IQGAP2: variants seen among roughly 807,000 people sequenced by gnomAD.
The protein encoded by IQGAP2 is IQ motif containing GTPase activating protein 2.
IQGAP2 carries 173 observed loss-of-function variants against 201.3 expected under a neutral mutation model. That is an observed-to-expected ratio of 0.86 (90% CI 0.76 to 0.98). The LOEUF (loss-of-function observed/expected upper bound fraction) is 0.98. Among genes scored for constraint, IQGAP2 ranks in the 50% least tolerant of loss-of-function variants. The pLI is 0.00. For missense variants in IQGAP2, 1,687 were observed against 1,864.8 expected (o/e 0.90, Z 1.76); for synonymous variants, 675 against 673.9 (o/e 1.00, Z -0.03).
chr5:76,573,595 C>G (rs1745263224), intron 4 of IQGAP2, among the ~76,000 whole-genome samples: 1 of 152,054 alleles, frequency 6.6e-6, no homozygotes, highest in Admixed American at 6.5e-5. Flanking sequence ...ACATAAAAAA[C>G]TTTAAACCGG....
intron 1 of IQGAP2, among the ~76,000 whole-genome samples, chr5:76,429,582 T>TTA (rs70982604): frequency 0.056 from 6,753 of 120,460 alleles, 354 homozygotes; most frequent in African/African-American, 0.13. Flanking sequence ...AAAAAAAAAT[T>TTA]TATATATATA....
chr5:76,527,651 C>A (rs1759047684), intron 2 of IQGAP2, among the ~76,000 whole-genome samples: 1 of 152,202 alleles, frequency 6.6e-6, no homozygotes, highest in South Asian at 2.1e-4. Context: ...GGTATCAGGA[C>A]TTTACAAGGT....
chr5:76,621,591 T>C (rs895322534), intron 13 of IQGAP2, among the ~76,000 whole-genome samples: 6 of 152,222 alleles, frequency 3.9e-5, no homozygotes, highest in Non-Finnish European at 8.8e-5. Context: ...ACCAAGTGTT[T>C]GTCCGTTTTC....
chr5:76,676,625 C>T (rs1326302237), intron 27 of IQGAP2, among the ~76,000 whole-genome samples: 1 of 152,174 alleles, frequency 6.6e-6, no homozygotes, highest in Non-Finnish European at 1.5e-5. Flanking sequence ...TTAAAATAGA[C>T]TTTTTAGGGT....
intron 1 of IQGAP2, among the ~76,000 whole-genome samples, chr5:76,436,517 A>ATTTTT (rs1166580477): frequency 4.8e-5 from 1 of 21,048 alleles, no homozygotes; most frequent in African/African-American, 3.1e-4. Flanking sequence ...ATATATATAT[A>ATTTTT]TTTTTTTTTT....
chr5:76,595,280 G>A (rs1386988068), intron 9 of IQGAP2, among the ~76,000 whole-genome samples: 1 of 116,356 alleles, frequency 8.6e-6, no homozygotes. Flanking sequence ...TTCCGGACAG[G>A]GTCTTATTCT....
At chr5:76,473,598 C>G (rs1427830191) in intron 2 of IQGAP2, among the ~76,000 whole-genome samples, 2 of 152,134 alleles carry the variant, frequency 1.3e-5, no homozygotes, top group Admixed American at 6.5e-5. Flanking sequence ...ACCTTGGCCT[C>G]CCAAAGTGCT....
At position 76,631,977 on chromosome 5, in the gene IQGAP2, C is replaced by G. The variant is rs759569896; in HGVS notation, c.1731C>G (p.Asp577Glu). 1.6e-5 allele frequency: 25 copies of G among 1,612,172 alleles called. No homozygotes were observed. The highest frequency in any genetic ancestry group is 8.5e-7 in the Non-Finnish European group (1 of 1,179,024). ...ATGACATAATCCCGGAGTGTGCTGA[C>G]AAATACTATGATGCCCTTGTGAAGG... ...NANDIIPECA[D>E]KYYDALVKAK... Residue 577 changes from aspartate (D) to glutamate (E), a missense_variant, in exon 15 of 36, where the codon GAC (aspartate) becomes GAG (glutamate). By Grantham distance (45) the Asp-to-Glu change is conservative. Transcript: ENST00000274364.
chr5:76,444,343 G>A (rs186192456), intron 1 of IQGAP2, among the ~76,000 whole-genome samples: 41 of 152,304 alleles, frequency 2.7e-4, no homozygotes, highest in Non-Finnish European at 2.9e-5. Context: ...TCGTCACCCA[G>A]GCTGGAGTGC....
chr5:76,450,305 G>A (rs115683074), intron 1 of IQGAP2, among the ~76,000 whole-genome samples: 2,903 of 152,184 alleles, frequency 0.019, 102 homozygotes, highest in African/African-American at 0.065. Flanking sequence ...CAGCCATTCC[G>A]TTTCCTCCTA....
Position 76,674,576 on chromosome 5 carries a change from T to C in IQGAP2, c.3394T>C (p.Ser1132Pro). 1 of 1,614,056 alleles carries C rather than the reference T, an allele frequency of 6.2e-7. No individual in the cohort carries two copies. Among genetic ancestry groups the C allele is most frequent in the Non-Finnish European group, 8.5e-7 (1 of 1,179,980 alleles). Residue 1132 changes from serine (S) to proline (P), a missense_variant, in exon 27 of 36, where the codon TCT (serine) becomes CCT (proline). Ser to Pro is a moderately conservative substitution (Grantham distance 74, BLOSUM62 -1). Transcript: ENST00000274364. Reference sequence around the variant, plus strand: ...CATGACAGCTGGAGGTCAGATAAATTCTGACCAAAGGAGAAACTTAGGATC... The same window carrying C: ...CATGACAGCTGGAGGTCAGATAAATCCTGACCAAAGGAGAAACTTAGGATC... ...IDMTAGGQIN[S>P]DQRRNLGSVA... is the part of the protein sequence containing the mutation.
chr5:76,597,912 A>G (rs1747153722), intron 10 of IQGAP2, among the ~76,000 whole-genome samples: 1 of 152,174 alleles, frequency 6.6e-6, no homozygotes, highest in South Asian at 2.1e-4. Flanking sequence ...AGCTATACCG[A>G]TGTGGTATTT....
rs775351003 is a variant in IQGAP2 at position 76,496,749 on chromosome 5, C to CT, written c.146+35083dup. Among the ~76,000 whole-genome samples, 115 of 60,496 alleles carry CT rather than the reference C, an allele frequency of 1.9e-3. 7 individuals are homozygous for CT. The highest frequency in any genetic ancestry group is 7.4e-3 in the East Asian group (18 of 2,418). The allele number at this position is 60,496 out of a possible 152,430, so 39.7% of individuals were successfully genotyped here. ...CTTTTCTTTCTTTCTTTCTTTCTTTCTTTCTTTCTTTCTTTCTTTCTTTCT... is the reference window on the plus strand; with the variant it reads ...CTTTTCTTTCTTTCTTTCTTTCTTTCTTTTCTTTCTTTCTTTCTTTCTTTCT... On this transcript the variant is annotated intron_variant, in intron 2 of 35. Transcript: ENST00000274364.
intron 17 of IQGAP2, among the ~76,000 whole-genome samples, chr5:76,648,194 G>A (rs1204523795): frequency 6.6e-6 from 1 of 152,122 alleles, no homozygotes; most frequent in African/African-American, 2.4e-5. Flanking sequence ...CAGCAATAAC[G>A]AGGAGGCCTT....
At chr5:76,545,729 T>C (rs546830450) in intron 2 of IQGAP2, among the ~76,000 whole-genome samples, 1 of 152,344 alleles carries the variant, frequency 6.6e-6, no homozygotes, top group Admixed American at 6.5e-5. Flanking sequence ...TGGAAAATAC[T>C]TGAAGCAATC....
intron 2 of IQGAP2, among the ~76,000 whole-genome samples, chr5:76,480,553 A>G (rs1472208606): frequency 6.6e-6 from 1 of 152,206 alleles, no homozygotes; most frequent in Admixed American, 6.5e-5. Flanking sequence ...TGTGTCATGT[A>G]TAACAGAATA....
chr5:76,480,831 G>A (rs1755743086), intron 2 of IQGAP2, among the ~76,000 whole-genome samples: 1 of 149,844 alleles, frequency 6.7e-6, no homozygotes, highest in Admixed American at 6.6e-5. Context: ...CCCTATAACA[G>A]AGTACCTGAG....
At chr5:76,529,584 C>T (rs1037436701) in intron 2 of IQGAP2, among the ~76,000 whole-genome samples, 5 of 150,948 alleles carry the variant, frequency 3.3e-5, no homozygotes, top group East Asian at 2.0e-4. Flanking sequence ...GCCGAGATCG[C>T]GCCACTGCAC....
At chr5:76,565,558 G>A (rs559908601) in intron 3 of IQGAP2, among the ~76,000 whole-genome samples, 1 of 152,190 alleles carries the variant, frequency 6.6e-6, no homozygotes, top group African/African-American at 2.4e-5. Context: ...CACGCCATGT[G>A]CACTGCAGCT....
Sources: allele counts gnomAD v4.1 joint callset (sites outside exome capture counted in the v4.1 genomes callset), GRCh38; gene constraint gnomAD v4.1.1; transcripts MANE v1.5; gene names NCBI Gene and HGNC (gene_info 2026-07-23, HGNC 2026-07-21).